Variants in MYO1E observed in about 807,000 individuals in gnomAD.
MYO1E encodes unconventional myosin-Ie.
A neutral mutation model predicts 151.1 loss-of-function variants in MYO1E; 68 were observed. That is an observed-to-expected ratio of 0.45 (90% CI 0.37 to 0.55). The LOEUF is 0.55. Ranked by LOEUF, MYO1E falls within the 20% of genes least tolerant of loss-of-function variation. The pLI is 0.00. For synonymous variants in MYO1E, 601 were observed against 501.7 expected (o/e 1.20, Z -2.64); for missense variants, 1,363 against 1,389.3 (o/e 0.98, Z 0.30).
chr15:59,219,565 A>G (rs2079941022), intron 9 of MYO1E, among the ~76,000 whole-genome samples: 1 of 152,250 alleles, frequency 6.6e-6, no homozygotes, highest in African/African-American at 2.4e-5. Flanking sequence ...ATTTTGAAAA[A>G]GTATAATGCC....
chr15:59,250,647 C>A (rs1456107307), intron 4 of MYO1E, among the ~76,000 whole-genome samples: 1 of 152,038 alleles, frequency 6.6e-6, no homozygotes, highest in African/African-American at 2.4e-5. Flanking sequence ...GTAGTGGGAA[C>A]CCCTGAATTG....
At chr15:59,344,000 A>G (rs2080780131) in intron 1 of MYO1E, among the ~76,000 whole-genome samples, 1 of 152,086 alleles carries the variant, frequency 6.6e-6, no homozygotes, top group African/African-American at 2.4e-5. Flanking sequence ...TCTCTCTGGG[A>G]TTGACCCCTG....
At chr15:59,213,638 T>A (rs979561578) in intron 12 of MYO1E, among the ~76,000 whole-genome samples, 25 of 151,456 alleles carry the variant, frequency 1.7e-4, no homozygotes, top group Admixed American at 4.6e-4. Flanking sequence ...ATTTTATTTT[T>A]TTTGTATGGA....
At chr15:59,255,291 A>AT (rs2080187631) in intron 4 of MYO1E, among the ~76,000 whole-genome samples, 1 of 151,018 alleles carries the variant, frequency 6.6e-6, no homozygotes, top group African/African-American at 2.4e-5. Context: ...TAATTTTTAT[A>AT]TTTTTTTGTA....
intron 17 of MYO1E, 140 bp downstream of exon 17, chr15:59,195,321 T>A: frequency 1.3e-6 from 1 of 772,936 alleles, no homozygotes; most frequent in East Asian, 2.6e-5. Context: ...ACAGCTTTTG[T>A]CCTGAAAAAG....
intron 1 of MYO1E, among the ~76,000 whole-genome samples, chr15:59,360,649 C>T (rs2080879986): frequency 6.6e-6 from 1 of 151,992 alleles, no homozygotes; most frequent in Non-Finnish European, 1.5e-5. Context: ...CTTTTTTTCC[C>T]CCAACAAAAG....
intron 5 of MYO1E, among the ~76,000 whole-genome samples, chr15:59,233,940 C>A (rs1224581053): frequency 2.6e-5 from 4 of 151,348 alleles, no homozygotes; most frequent in Middle Eastern, 3.4e-3. Context: ...ATAATAAAAT[C>A]TTTTTTTACA....
At chr15:59,255,106 TTTGGTTTGG>T (rs2080186577) in intron 4 of MYO1E, among the ~76,000 whole-genome samples, 1 of 151,840 alleles carries the variant, frequency 6.6e-6, no homozygotes, top group African/African-American at 2.4e-5. Flanking sequence ...AGCCTTTTTT[TTTGGTTTGG>T]TTTGGTTTGG....
intron 5 of MYO1E, among the ~76,000 whole-genome samples, chr15:59,235,828 C>A (rs2080058888): frequency 1.3e-5 from 2 of 152,186 alleles, no homozygotes; most frequent in Non-Finnish European, 2.9e-5. Context: ...TCCTACCAAT[C>A]AAGCGTTTAA....
rs1480093294 is a variant in MYO1E at position 59,273,645 on chromosome 15, TTCATTATAATCTATGCC to T, written c.4-1213_4-1197del. 5.0e-3 allele frequency among the ~76,000 whole-genome samples: 428 copies of T among 85,340 alleles called. 3 individuals carry two copies. The highest frequency in any genetic ancestry group is 0.029 in the African/African-American group (396 of 13,702). The allele number at this position is 85,340 out of a possible 152,430, so 56.0% of individuals were successfully genotyped here. On this transcript the variant is annotated intron_variant, in intron 1 of 27. Coordinates refer to ENST00000288235, the MANE Select transcript of MYO1E (RefSeq NM_004998.4). Reference sequence around the variant, plus strand: ...GGAGGAGACCAGAGGAGGAAGGACATTCATTATAATCTATGCCGGAGGAGACCAGAGGAGGAAGGACA... The same window carrying T: ...GGAGGAGACCAGAGGAGGAAGGACATGGAGGAGACCAGAGGAGGAAGGACA...
At chr15:59,213,632 TA>T (rs1301954199) in intron 12 of MYO1E, among the ~76,000 whole-genome samples, 1 of 132,810 alleles carries the variant, frequency 7.5e-6, no homozygotes, top group African/African-American at 2.7e-5. Flanking sequence ...CTAATTATTT[TA>T]TTTTTTTTGT....
At chr15:59,333,867 G>A (rs936495974) in intron 1 of MYO1E, among the ~76,000 whole-genome samples, 4 of 152,192 alleles carry the variant, frequency 2.6e-5, no homozygotes, top group Admixed American at 2.6e-4. Context: ...TCATAGGAAA[G>A]AGCTACTTCT....
At chr15:59,225,263 C>T (rs1460507036) in intron 7 of MYO1E, among the ~76,000 whole-genome samples, 1 of 152,192 alleles carries the variant, frequency 6.6e-6, no homozygotes, top group Non-Finnish European at 1.5e-5. Flanking sequence ...CTTCTCCAAG[C>T]TGCAGGATCT....
At chr15:59,311,489 G>A (rs1411932744) in intron 1 of MYO1E, among the ~76,000 whole-genome samples, 1 of 152,130 alleles carries the variant, frequency 6.6e-6, no homozygotes, top group African/African-American at 2.4e-5. Context: ...TTGCCCAGGG[G>A]TTGGGGACCC....
At chr15:59,147,596 C>CAAAAAAAAAAAAAAAAAAAAAAAAAAAAA (rs748173480) in intron 26 of MYO1E, among the ~76,000 whole-genome samples, 2 of 66,096 alleles carry the variant, frequency 3.0e-5, no homozygotes, top group Admixed American at 2.4e-4. Context: ...GACTCTGTCT[C>CAAAAAAAAAAAAAAAAAAAAAAAAAAAAA]AAAAAAAAAA....
intron 16 of MYO1E, 115 bp from the exon 17 acceptor site, chr15:59,195,682 G>A: frequency 3.8e-6 from 4 of 1,047,362 alleles, no homozygotes; most frequent in Non-Finnish European, 5.9e-6. Flanking sequence ...TAATCTTCAT[G>A]ACAATTTGCT....
chr15:59,302,416 T>A (rs573282494), intron 1 of MYO1E, among the ~76,000 whole-genome samples: 66 of 152,306 alleles, frequency 4.3e-4, no homozygotes, highest in African/African-American at 1.5e-3. Flanking sequence ...GGCCAGTATT[T>A]AGAAGTCAGA....
intron 1 of MYO1E, among the ~76,000 whole-genome samples, chr15:59,357,448 C>G (rs1338278852): frequency 7.5e-6 from 1 of 133,688 alleles, no homozygotes; most frequent in African/African-American, 2.9e-5. Flanking sequence ...TTTTTTGAGA[C>G]GAGTCTCACT....
chr15:59,360,961 A>G (rs948797610), intron 1 of MYO1E, among the ~76,000 whole-genome samples: 6 of 152,238 alleles, frequency 3.9e-5, no homozygotes, highest in African/African-American at 1.2e-4. Context: ...GACTTGCTTC[A>G]GCCAATGGGG....
Sources: allele counts gnomAD v4.1 joint callset (sites outside exome capture counted in the v4.1 genomes callset), GRCh38; gene constraint gnomAD v4.1.1; transcripts MANE v1.5; gene names NCBI Gene and HGNC (gene_info 2026-07-23, HGNC 2026-07-21).